PPARG: variants seen among roughly 807,000 people sequenced by gnomAD.
PPARG encodes peroxisome proliferator activated receptor gamma.
Under a neutral mutation model 39.2 loss-of-function variants are expected in PPARG, and 17 were observed. The ratio of observed to expected loss-of-function variants is 0.43; its 90% CI spans 0.30 to 0.65. The LOEUF is 0.65. Among genes scored for constraint, PPARG ranks in the 30% least tolerant of loss-of-function variants. PPARG has a pLI of 0.13. For synonymous variants in PPARG, 223 were observed against 215.7 expected, an observed-to-expected ratio of 1.03 and a Z score of -0.30; for missense variants, 406 against 585.9, an observed-to-expected ratio of 0.69 and a Z score of 3.17.
At chr3:12,361,368 G>T (rs1221470554) in intron 2 of PPARG, among the ~76,000 whole-genome samples, 1 of 152,068 alleles carries the variant, frequency 6.6e-6, no homozygotes, top group Non-Finnish European at 1.5e-5. Flanking sequence ...AATATAGTCT[G>T]ATATACTAGA....
rs375960081 is a variant in PPARG at position 12,359,746 on chromosome 3, C to A, written c.-8-19958C>A. 5.1e-4 allele frequency among the ~76,000 whole-genome samples: 76 copies of A among 148,738 alleles called. 2 individuals are homozygous for A. The South Asian group carries it at 0.016, about 31-fold the overall frequency. The stretch of plus-strand genomic sequence containing the variant: ...CTGAAGTGCAGTGGCGCCGTCTCAG[C>A]TCACTGCAACCTCTGCCCCCTGGGT... On this transcript the variant is annotated intron_variant, in intron 2 of 7. Transcript: ENST00000651735.
Position 12,388,791 on chromosome 3 carries a change from G to A in PPARG, c.391-3823G>A, listed in dbSNP as rs147562617. ...AATTATTTAAAGGAAGAGGGCATAG[G>A]CTTGCAACAATAAACTATTAGGAAT... is the stretch of plus-strand genomic sequence containing the variant. On this transcript the variant is annotated intron_variant, in intron 4 of 7. Coordinates refer to ENST00000651735, the MANE Select transcript of PPARG (RefSeq NM_138711.6). Among the ~76,000 whole-genome samples, 377 of 152,248 alleles carry A rather than the reference G, an allele frequency of 2.5e-3. 1 individual carries two copies. Among genetic ancestry groups the A allele is most frequent in the African/African-American group, 8.5e-3 (355 of 41,554 alleles).
chr3:12,368,777 A>G (rs1348232930), intron 2 of PPARG, among the ~76,000 whole-genome samples: 3 of 152,214 alleles, frequency 2.0e-5, no homozygotes, highest in Non-Finnish European at 1.5e-5. Context: ...TACTATGTGA[A>G]GGAAAAGAAG....
intron 2 of PPARG, among the ~76,000 whole-genome samples, chr3:12,351,848 A>G (rs2048499214): frequency 6.6e-6 from 1 of 152,134 alleles, no homozygotes; most frequent in Non-Finnish European, 1.5e-5. Flanking sequence ...CATGTTCAGA[A>G]CCTTAAAAAA....
chr3:12,306,818 C>T (rs928452224), intron 1 of PPARG, among the ~76,000 whole-genome samples: 1 of 152,128 alleles, frequency 6.6e-6, no homozygotes, highest in Non-Finnish European at 1.5e-5. Flanking sequence ...ACCGCTGGGC[C>T]GGGCGCGGTG....
chr3:12,313,265 GTA>G (rs989958335), intron 2 of PPARG, among the ~76,000 whole-genome samples: 5 of 152,074 alleles, frequency 3.3e-5, no homozygotes, highest in African/African-American at 1.2e-4. Context: ...ATAGAGATGT[GTA>G]TATATGTGGG....
intron 5 of PPARG, among the ~76,000 whole-genome samples, chr3:12,393,229 A>C (rs538909528): frequency 6.7e-6 from 1 of 148,256 alleles, no homozygotes; most frequent in Non-Finnish European, 1.5e-5. Context: ...TTTATTATGC[A>C]AAGACGAGTA....
intron 6 of PPARG, among the ~76,000 whole-genome samples, chr3:12,409,686 G>C (rs952493088): frequency 2.0e-5 from 3 of 152,208 alleles, no homozygotes; most frequent in African/African-American, 7.2e-5. Flanking sequence ...GATGTCATTA[G>C]TGTTGGTTAG....
At chr3:12,322,627 A>G (rs1052143824) in intron 2 of PPARG, among the ~76,000 whole-genome samples, 2 of 152,212 alleles carry the variant, frequency 1.3e-5, no homozygotes, top group African/African-American at 2.4e-5. Context: ...AATTTTAAAC[A>G]TGAGGAGCTT....
intron 7 of PPARG, among the ~76,000 whole-genome samples, chr3:12,418,305 A>G (rs955014515): frequency 6.6e-6 from 1 of 152,144 alleles, no homozygotes; most frequent in Non-Finnish European, 1.5e-5. Context: ...TGAGTAGAAG[A>G]AAGTTTTACT....
rs1055653533 is a variant in PPARG at position 12,291,281 on chromosome 3, C to T, written c.-83+2147C>T. Among the ~76,000 whole-genome samples the T allele has an allele frequency of 3.3e-5, 5 of 152,128 alleles. No individual in the cohort carries two copies. In the South Asian group the frequency reaches 8.3e-4, roughly 25 times the overall value. On this transcript the variant is annotated intron_variant, in intron 1 of 7. Transcript: ENST00000651735. ...CTTAATATCCCAAAGCAACAAAAAGCGCAGTGATTTTAATTGCTTACAAAG... is the reference window on the plus strand; with the variant it reads ...CTTAATATCCCAAAGCAACAAAAAGTGCAGTGATTTTAATTGCTTACAAAG...
rs556381640 is a variant in PPARG at position 12,368,183 on chromosome 3, C to CTTTT, written c.-8-11518_-8-11515dup. On this transcript the variant is annotated intron_variant, in intron 2 of 7. Coordinates refer to ENST00000651735, the MANE Select transcript of PPARG (RefSeq NM_138711.6). Reference sequence around the variant, plus strand: ...TAATAGTTTTCATTTTTTTCTTTTTCTTTTTTGTTTTTTTTTCAGACAGTG... The same window carrying CTTTT: ...TAATAGTTTTCATTTTTTTCTTTTTCTTTTTTTTTTGTTTTTTTTTCAGACAGTG... 2.2e-4 allele frequency among the ~76,000 whole-genome samples: 29 copies of CTTTT among 133,454 alleles called. 5 individuals carry two copies. The highest frequency in any genetic ancestry group is 3.1e-4 in the Non-Finnish European group (20 of 63,522). 87.6% of individuals were successfully genotyped at this position (133,454 alleles called of 152,430 possible).
At chr3:12,357,395 G>A (rs2048703307) in intron 2 of PPARG, among the ~76,000 whole-genome samples, 1 of 151,962 alleles carries the variant, frequency 6.6e-6, no homozygotes, top group Non-Finnish European at 1.5e-5. Flanking sequence ...TTCCTGTCCA[G>A]GACCCTCTTC....
intron 7 of PPARG, among the ~76,000 whole-genome samples, chr3:12,421,811 C>T (rs1292472016): frequency 2.0e-5 from 3 of 152,154 alleles, no homozygotes; most frequent in South Asian, 4.1e-4. Context: ...GGCTTGGTGA[C>T]GCAAACCACC....
intron 1 of PPARG, among the ~76,000 whole-genome samples, chr3:12,297,219 A>G (rs1574943141): frequency 6.6e-6 from 1 of 152,364 alleles, no homozygotes; most frequent in East Asian, 1.9e-4. Context: ...AGTTATAATG[A>G]CAATTTAGAA....
At chr3:12,431,503 A>G (rs2051657724) in intron 7 of PPARG, among the ~76,000 whole-genome samples, 1 of 152,196 alleles carries the variant, frequency 6.6e-6, no homozygotes, top group South Asian at 2.1e-4. Context: ...TTTAAAAAGG[A>G]ATTCAATAAA....
intron 6 of PPARG, among the ~76,000 whole-genome samples, chr3:12,410,198 G>C (rs1171240198): frequency 6.6e-6 from 1 of 152,130 alleles, no homozygotes; most frequent in Non-Finnish European, 1.5e-5. Context: ...CCCTTTCAGT[G>C]GCTTGCTCCA....
intron 2 of PPARG, among the ~76,000 whole-genome samples, chr3:12,360,583 A>AAAC (rs1369174985): frequency 1.3e-5 from 2 of 151,692 alleles, no homozygotes; most frequent in Non-Finnish European, 2.9e-5. Context: ...ACAAAAAAAA[A>AAAC]AAAAAACAGA....
intron 7 of PPARG, among the ~76,000 whole-genome samples, chr3:12,419,515 T>C (rs1223892176): frequency 1.3e-5 from 2 of 152,116 alleles, no homozygotes; most frequent in East Asian, 3.9e-4. Flanking sequence ...CGTTCTGTCT[T>C]GCAGTGGTGC....
Sources: gnomAD v4.1 joint callset for allele counts (sites outside exome capture counted in the v4.1 genomes callset) on GRCh38, gnomAD v4.1.1 for gene constraint, MANE v1.5 for transcripts, NCBI Gene and HGNC (gene_info 2026-07-23, HGNC 2026-07-21) for gene names.